Variants in CLASP1 observed in about 807,000 individuals in gnomAD.
CLASP1 encodes CLIP-associating protein 1.
CLASP1 carries 38 observed loss-of-function variants against 192.3 expected under a neutral mutation model. The observed-to-expected ratio is 0.20, with a 90% CI of 0.15 to 0.26. The LOEUF is 0.26. Ranked by LOEUF, CLASP1 falls within the 10% of genes least tolerant of loss-of-function variation. The pLI is 1.00. For missense variants in CLASP1, 1,433 were observed against 1,932.5 expected (o/e 0.74, Z 4.85); for synonymous variants, 691 against 712.8 (o/e 0.97, Z 0.49).
At chr2:121,418,505 G>T in intron 23 of CLASP1, 117 bp downstream of exon 23, 1 of 726,964 alleles carries the variant, frequency 1.4e-6, no homozygotes, top group Non-Finnish European at 2.4e-6. Flanking sequence ...AGGAAAGAAA[G>T]AAGAAAGGAT....
intron 1 of CLASP1, among the ~76,000 whole-genome samples, chr2:121,625,692 C>T (rs540154757): frequency 7.2e-5 from 11 of 151,916 alleles, no homozygotes; most frequent in African/African-American, 2.7e-4. Flanking sequence ...CCTTGGCCTC[C>T]CAAAGTGCTG....
At chr2:121,535,116 A>T (rs2095019595) in intron 2 of CLASP1, among the ~76,000 whole-genome samples, 1 of 152,162 alleles carries the variant, frequency 6.6e-6, no homozygotes, top group South Asian at 2.1e-4. Context: ...CACCTCTACG[A>T]AAAAATACAA....
At chr2:121,459,837 A>G (rs1575069138) in intron 12 of CLASP1, 143 bp downstream of exon 12, 1 of 621,548 alleles carries the variant, frequency 1.6e-6, no homozygotes, top group Non-Finnish European at 2.5e-6. Context: ...AAAACTACTG[A>G]AAGAAGTGTT....
At chr2:121,503,209 C>T in exon 8 of CLASP1, 1 of 1,548,016 alleles carries the variant, frequency 6.5e-7, no homozygotes, top group Non-Finnish European at 8.7e-7. Context: ...TGGACTTCAT[C>T]AAATTTTGTA....
exon 15 of CLASP1, chr2:121,451,831 T>C (rs746894087): frequency 1.3e-6 from 2 of 1,570,730 alleles, no homozygotes; most frequent in Non-Finnish European, 1.7e-6. Flanking sequence ...AAAGCAAATC[T>C]AAAAATTCAA....
At position 121,476,648 on chromosome 2, in the gene CLASP1, T is replaced by C. The variant is rs76235541; in HGVS notation, c.713-6688A>G. On this transcript the variant is annotated intron_variant, in intron 8 of 39. Coordinates refer to ENST00000263710, the Ensembl canonical transcript of CLASP1. ...TTCTTCTGAGGCAGGCTTTGATGGA[T>C]AGAAGCCCAATGGGGAGAAAATGCC... Among the ~76,000 whole-genome samples, 949 of 152,288 alleles carry C rather than the reference T, an allele frequency of 6.2e-3. 13 individuals carry two copies. The highest frequency in any genetic ancestry group is 0.021 in the African/African-American group (880 of 41,548).
At chr2:121,527,753 T>TA (rs777783084) in intron 5 of CLASP1, 46 bp downstream of exon 5, 39 of 1,425,734 alleles carry the variant, frequency 2.7e-5, no homozygotes, top group Admixed American at 5.5e-5. Flanking sequence ...TAAAAAGTTT[T>TA]AAAAAATTCA....
At chr2:121,466,454 C>T (rs1411734242) in intron 9 of CLASP1, among the ~76,000 whole-genome samples, 1 of 152,128 alleles carries the variant, frequency 6.6e-6, no homozygotes, top group Non-Finnish European at 1.5e-5. Context: ...TTAATGCTAA[C>T]CATGAGTACA....
intron 8 of CLASP1, among the ~76,000 whole-genome samples, chr2:121,491,263 T>C (rs767052317): frequency 9.2e-5 from 14 of 152,262 alleles, no homozygotes; most frequent in Admixed American, 6.5e-5. Context: ...ATAGTTTTAT[T>C]AGCAAATAAA....
At chr2:121,431,828 T>G (rs534939073) in intron 19 of CLASP1, among the ~76,000 whole-genome samples, 2 of 152,020 alleles carry the variant, frequency 1.3e-5, no homozygotes, top group Non-Finnish European at 2.9e-5. Context: ...CGTTTTTAAA[T>G]TATAACACAA....
Position 121,528,687 on chromosome 2 carries a change from G to A in CLASP1, c.368C>T (p.Ala123Val), listed in dbSNP as rs199865832. 1.1e-3 allele frequency: 1,758 copies of A among 1,613,962 alleles called. No individual in the cohort carries two copies. The highest frequency in any genetic ancestry group is 1.4e-3 in the Non-Finnish European group (1,636 of 1,179,830). Residue 123 changes from alanine (A) to valine (V), a missense_variant, in exon 4 of 40, where the codon GCT (alanine) becomes GTT (valine). Transcript: ENST00000263710. ...ATCTCTTGCCCCTACCTGGGGATTA[G>A]CAGCTTGATCCATGATCTTTAGCAG...
chr2:121,427,371 C>T, intron 21 of CLASP1, 33 bp downstream of exon 21: 1 of 1,604,372 alleles, frequency 6.2e-7, no homozygotes, highest in Non-Finnish European at 8.5e-7. Flanking sequence ...ACAACAACAA[C>T]AACAAAAAAA....
intron 34 of CLASP1, among the ~76,000 whole-genome samples, chr2:121,375,515 CACCA>C (rs2069878236): frequency 1.3e-5 from 2 of 151,944 alleles, no homozygotes; most frequent in Non-Finnish European, 2.9e-5. Context: ...AGGTGTGCAC[CACCA>C]AGCCCAGCTA....
At chr2:121,372,104 A>G (rs1028579795) in intron 34 of CLASP1, among the ~76,000 whole-genome samples, 4 of 152,272 alleles carry the variant, frequency 2.6e-5, no homozygotes, top group Non-Finnish European at 5.9e-5. Flanking sequence ...CTTTACATCA[A>G]AACATTGGCA....
intron 28 of CLASP1, among the ~76,000 whole-genome samples, chr2:121,400,621 T>C (rs2076023908): frequency 6.6e-6 from 1 of 152,206 alleles, no homozygotes; most frequent in African/African-American, 2.4e-5. Context: ...TGGATTTGCG[T>C]TCCCAAACAG....
chr2:121,639,863 CAAAAA>C (rs34338582), intron 1 of CLASP1, among the ~76,000 whole-genome samples: 1 of 62,400 alleles, frequency 1.6e-5, no homozygotes. Flanking sequence ...AACTCCATCT[CAAAAA>C]AAAAAAAAAA....
intron 8 of CLASP1, among the ~76,000 whole-genome samples, chr2:121,489,619 C>T (rs1333591864): frequency 6.6e-6 from 1 of 152,218 alleles, no homozygotes; most frequent in South Asian, 2.1e-4. Context: ...CCTTTAAATG[C>T]AAACCCTGTT....
chr2:121,591,379 T>C (rs151027828), intron 2 of CLASP1, among the ~76,000 whole-genome samples: 262 of 152,270 alleles, frequency 1.7e-3, no homozygotes, highest in Non-Finnish European at 2.1e-3. Context: ...TCCTCCCTAA[T>C]GACATTACTC....
chr2:121,446,406 C>G (rs1206543596), intron 19 of CLASP1, among the ~76,000 whole-genome samples: 2 of 152,158 alleles, frequency 1.3e-5, no homozygotes, highest in African/African-American at 4.8e-5. Context: ...TCTCTGGGTG[C>G]TATTTGTTCA....
Sources: gnomAD v4.1 joint callset for allele counts (sites outside exome capture counted in the v4.1 genomes callset) on GRCh38, gnomAD v4.1.1 for gene constraint, MANE v1.5 for transcripts, NCBI Gene and HGNC (gene_info 2026-07-23, HGNC 2026-07-21) for gene names.